The following MCTP1 variants were observed in gnomAD, a reference collection of about 807,000 sequenced individuals.
MCTP1 encodes the protein multiple C2 and transmembrane domain containing 1, also known as multiple C2 and transmembrane domain-containing protein 1.
Under a neutral mutation model 120.6 loss-of-function variants are expected in MCTP1, and 69 were observed. That is an observed-to-expected ratio of 0.57 (90% CI 0.47 to 0.70). The LOEUF (loss-of-function observed/expected upper bound fraction) is 0.70. Ranked by LOEUF, MCTP1 falls within the 30% of genes least tolerant of loss-of-function variation. The pLI is 0.00. For missense variants in MCTP1, 1,203 were observed against 1,248.8 expected (o/e 0.96, Z 0.55); for synonymous variants, 529 against 493.1 (o/e 1.07, Z -0.96).
intron 12 of MCTP1, among the ~76,000 whole-genome samples, chr5:94,873,723 A>C (rs1473518858): frequency 3.9e-5 from 6 of 152,092 alleles, no homozygotes; most frequent in Non-Finnish European, 8.8e-5. Context: ...CTATATTGCA[A>C]AATTATAATA....
rs1278512061 is a variant in MCTP1 at position 94,818,073 on chromosome 5, C to CT, written c.2437-18942dup. 3.3e-5 allele frequency among the ~76,000 whole-genome samples: 5 copies of CT among 152,242 alleles called. 1 individual carries two copies. The South Asian group carries it at 6.2e-4, about 19-fold the overall frequency. ...CTTTGGGATTACAGCAAAAAAGAAT[C>CT]TTTTTTCCCCTGAACAAAAGCTAGA... On this transcript the variant is annotated intron_variant, in intron 17 of 22. Transcript: ENST00000515393.
chr5:95,192,567 A>T (rs1375359070), intron 1 of MCTP1, among the ~76,000 whole-genome samples: 3 of 152,116 alleles, frequency 2.0e-5, no homozygotes, highest in African/African-American at 7.2e-5. Context: ...AGGATACAAT[A>T]AAAGGGCAGA....
In MCTP1 at chr5:94,944,449, A is replaced by G. The variant is rs561689603; in HGVS notation, c.982-2022T>C. On this transcript the variant is annotated intron_variant, in intron 3 of 22. Coordinates refer to ENST00000515393, the MANE Select transcript of MCTP1 (RefSeq NM_024717.7). ...TTCACAATATACAATTTACACCAAA[A>G]CATTGGAGAAATTTCTCTTGTGGAA... 5.3e-5 allele frequency among the ~76,000 whole-genome samples: 8 copies of G among 152,268 alleles called. No homozygotes were observed. The East Asian group carries it at 7.7e-4, about 15-fold the overall frequency.
intron 1 of MCTP1, among the ~76,000 whole-genome samples, chr5:95,244,380 C>A (rs1275285059): frequency 7.9e-5 from 12 of 152,224 alleles, no homozygotes; most frequent in Non-Finnish European, 1.5e-5. Context: ...CGGGGCATCA[C>A]CTCACCCGGG....
At chr5:95,273,083 G>A (rs1759537857) in intron 1 of MCTP1, among the ~76,000 whole-genome samples, 1 of 152,262 alleles carries the variant, frequency 6.6e-6, no homozygotes, top group Admixed American at 6.5e-5. Flanking sequence ...TGGCCCCACA[G>A]GGCGCAGGAG....
chr5:95,106,034 T>C (rs1757054463), intron 1 of MCTP1, among the ~76,000 whole-genome samples: 1 of 152,208 alleles, frequency 6.6e-6, no homozygotes, highest in African/African-American at 2.4e-5. Context: ...ACTTATGGTA[T>C]GTTCTGTGTC....
intron 1 of MCTP1, among the ~76,000 whole-genome samples, chr5:95,023,028 C>T (rs1223568182): frequency 1.3e-5 from 2 of 151,856 alleles, no homozygotes; most frequent in African/African-American, 2.4e-5. Flanking sequence ...AACATGAGCC[C>T]GATGGTAAGC....
At chr5:94,796,606 A>T (rs903444516) in intron 18 of MCTP1, among the ~76,000 whole-genome samples, 2 of 89,938 alleles carry the variant, frequency 2.2e-5, no homozygotes, top group Non-Finnish European at 4.7e-5. Context: ...CATATATATA[A>T]TATATATAAT....
At chr5:94,987,900 C>A (rs295209) in intron 2 of MCTP1, among the ~76,000 whole-genome samples, 107,511 of 152,048 alleles carry the variant, frequency 0.71, 38,711 homozygotes, top group Admixed American at 0.81. Flanking sequence ...AGTTTGTGCG[C>A]TTATTCTGTT....
intron 19 of MCTP1, among the ~76,000 whole-genome samples, chr5:94,723,793 A>G (rs1184573641): frequency 1.3e-5 from 2 of 152,170 alleles, no homozygotes; most frequent in Non-Finnish European, 2.9e-5. Context: ...ACCCTGGGCT[A>G]GACAATGCAA....
intron 1 of MCTP1, among the ~76,000 whole-genome samples, chr5:95,108,842 A>C (rs114171787): frequency 2.0e-5 from 3 of 152,338 alleles, no homozygotes; most frequent in African/African-American, 7.2e-5. Flanking sequence ...TAAAAGGATG[A>C]AGGTCTGGGG....
At chr5:94,956,890 C>T (rs1184832428) in intron 2 of MCTP1, among the ~76,000 whole-genome samples, 1 of 152,160 alleles carries the variant, frequency 6.6e-6, no homozygotes, top group East Asian at 1.9e-4. Context: ...GACAGGCCAA[C>T]ATTCAAATTC....
chr5:94,713,460 C>T (rs1428932539), intron 20 of MCTP1, among the ~76,000 whole-genome samples: 1 of 152,142 alleles, frequency 6.6e-6, no homozygotes, highest in Non-Finnish European at 1.5e-5. Context: ...CAGGCATTCA[C>T]TGCCTGATCC....
chr5:94,891,957 G>C (rs887911263), intron 11 of MCTP1, among the ~76,000 whole-genome samples: 9 of 152,060 alleles, frequency 5.9e-5, no homozygotes, highest in African/African-American at 2.2e-4. Flanking sequence ...GCCCTCAATA[G>C]ATGGGAAAAG....
chr5:95,055,785 G>C (rs1376879729), intron 1 of MCTP1, among the ~76,000 whole-genome samples: 2 of 152,146 alleles, frequency 1.3e-5, no homozygotes, highest in Non-Finnish European at 2.9e-5. Flanking sequence ...TTCCTCACCT[G>C]TAAAGTAGGA....
intron 10 of MCTP1, among the ~76,000 whole-genome samples, chr5:94,908,444 T>A (rs1339101552): frequency 6.6e-6 from 1 of 152,046 alleles, no homozygotes; most frequent in African/African-American, 2.4e-5. Context: ...TTTATTTTAC[T>A]CTTAGTATGT....
intron 1 of MCTP1, among the ~76,000 whole-genome samples, chr5:95,170,410 G>A (rs1430072193): frequency 3.3e-5 from 5 of 152,326 alleles, no homozygotes; most frequent in African/African-American, 1.2e-4. Context: ...GGAGAGTTCT[G>A]TAGATGTCTA....
At chr5:95,259,138 G>A (rs528905442) in intron 1 of MCTP1, among the ~76,000 whole-genome samples, 4 of 152,292 alleles carry the variant, frequency 2.6e-5, no homozygotes, top group African/African-American at 9.6e-5. Flanking sequence ...GCCAACCACA[G>A]TCAATGTTGA....
chr5:95,033,201 G>A (rs1057038690), intron 1 of MCTP1, among the ~76,000 whole-genome samples: 4 of 152,096 alleles, frequency 2.6e-5, no homozygotes, highest in Admixed American at 2.0e-4. Flanking sequence ...TTGAGTAGGA[G>A]GTATTTCTAT....
Sources: gnomAD v4.1 joint callset for allele counts (sites outside exome capture counted in the v4.1 genomes callset) on GRCh38, gnomAD v4.1.1 for gene constraint, MANE v1.5 for transcripts, NCBI Gene and HGNC (gene_info 2026-07-23, HGNC 2026-07-21) for gene names.